The following DMBT1 variants were observed in gnomAD, a reference collection of about 807,000 sequenced individuals.
DMBT1 encodes the protein scavenger receptor cysteine-rich domain-containing protein DMBT1.
Under a neutral mutation model 252.9 loss-of-function variants are expected in DMBT1, and 198 were observed. That is an observed-to-expected ratio of 0.78 (90% CI 0.70 to 0.88). DMBT1 has a LOEUF of 0.88. Among genes scored for constraint, DMBT1 ranks in the 40% least tolerant of loss-of-function variants. The pLI is 0.00. For missense variants in DMBT1, 2,432 were observed against 2,404.7 expected (o/e 1.01, Z -0.24); for synonymous variants, 990 against 942.7 (o/e 1.05, Z -0.92).
At chr10:122,590,009 G>C (rs1454994271) in intron 17 of DMBT1, among the ~76,000 whole-genome samples, 2 of 148,584 alleles carry the variant, frequency 1.3e-5, no homozygotes, top group Non-Finnish European at 3.0e-5. Flanking sequence ...GTTTAGGTGA[G>C]GGTGAGGTGG....
At chr10:122,628,464 T>C (rs1337223451) in intron 46 of DMBT1, among the ~76,000 whole-genome samples, 1 of 152,070 alleles carries the variant, frequency 6.6e-6, no homozygotes, top group African/African-American at 2.4e-5. Flanking sequence ...GGTGAAACCC[T>C]GTCTCTACTA....
Position 122,569,597 on chromosome 10 carries a change from G to A in DMBT1, c.92-565G>A, listed in dbSNP as rs149567981. On this transcript the variant is annotated intron_variant, in intron 2 of 55. Transcript: ENST00000338354. ...TTCTAGAGCAACTCTGGCATTTGCC[G>A]TATGGACTGGACTGAGCCCATGCCA... Among the ~76,000 whole-genome samples, 396 of 152,306 alleles carry A rather than the reference G, an allele frequency of 2.6e-3. 1 individual carries two copies. The highest frequency in any genetic ancestry group is 9.1e-3 in the African/African-American group (379 of 41,574).
At chr10:122,576,347 G>T (rs2097711849) in intron 6 of DMBT1, 52 bp from the exon 7 acceptor site, 3 of 1,597,848 alleles carry the variant, frequency 1.9e-6, no homozygotes, top group Admixed American at 1.7e-5. Context: ...CAGGCCCTGA[G>T]ACCTTGTGCC....
intron 15 of DMBT1, 145 bp downstream of exon 15, chr10:122,585,454 G>C: frequency 1.8e-6 from 2 of 1,136,440 alleles, no homozygotes; most frequent in Non-Finnish European, 1.3e-6. Context: ...TAGAGTCTCT[G>C]GGGACCCAGC....
rs777106414 is a variant in DMBT1, at chr10:122,599,125, C to T, written c.3280+28C>T. On this transcript the variant is annotated intron_variant, in intron 26 of 55. Coordinates refer to ENST00000338354, the MANE Select transcript of DMBT1 (RefSeq NM_001377530.1). ...GGGCCTTCAAGAACTTGGGATCACT[C>T]TCTTGGGGTGGAGTTTGCTCCAGAA... is the stretch of plus-strand genomic sequence containing the variant. 7.4e-6 allele frequency: 12 copies of T among 1,613,646 alleles called. No individual in the cohort carries two copies. The South Asian group carries it at 1.2e-4, about 16-fold the overall frequency.
chr10:122,575,110 G>T (rs2097700613), intron 6 of DMBT1, among the ~76,000 whole-genome samples: 1 of 152,212 alleles, frequency 6.6e-6, no homozygotes, highest in African/African-American at 2.4e-5. Context: ...TTACTTAAAG[G>T]GGAATATTAG....
At chr10:122,619,193 A>T in intron 41 of DMBT1, 115 bp from the exon 42 acceptor site, 1 of 1,357,622 alleles carries the variant, frequency 7.4e-7, no homozygotes, top group Non-Finnish European at 1.1e-6. Flanking sequence ...TCCCTCTGTG[A>T]TAGGGACTAG....
chr10:122,632,993 A>G (rs563615409), intron 51 of DMBT1, 103 bp downstream of exon 51: 13 of 1,562,654 alleles, frequency 8.3e-6, no homozygotes, highest in Middle Eastern at 3.4e-4. Context: ...GGCTTCCCCC[A>G]AAGTGGTCTC....
chr10:122,629,877 C>T lies in DMBT1; in HGVS notation c.5706C>T (p.Ala1902=). ...SSNCGGFLFY[A]SGTFSSPSYP... is the part of the protein sequence containing the mutation. ...ATTGTGGTGGCTTCTTATTCTATGC[C>T]AGTGGGACATTCTCCAGCCCATCCT... The change falls in exon 47 of 56, where the codon GCC becomes GCT. Residue 1902 remains alanine (A), a synonymous_variant. Coordinates refer to ENST00000338354, the MANE Select transcript of DMBT1 (RefSeq NM_001377530.1). 6.2e-7 allele frequency: 1 copy of T among 1,613,992 alleles called. No homozygotes were observed. Among genetic ancestry groups the T allele is most frequent in the Non-Finnish European group, 8.5e-7 (1 of 1,179,880 alleles).
chr10:122,572,122 T>C (rs1216822822), intron 4 of DMBT1, among the ~76,000 whole-genome samples, 192 bp from the exon 5 acceptor site: 4 of 152,168 alleles, frequency 2.6e-5, no homozygotes, highest in African/African-American at 9.7e-5. Flanking sequence ...CAAAGGATGC[T>C]TGTGCGGCAC....
chr10:122,629,840 G>A lies in DMBT1; in HGVS notation c.5669G>A (p.Arg1890Lys), dbSNP rs976559906. 1.2e-6 allele frequency: 2 copies of A among 1,613,876 alleles called. No homozygotes were observed. The highest frequency in any genetic ancestry group is 1.7e-6 in the Non-Finnish European group (2 of 1,179,830). The change falls in exon 47 of 56, where the codon AGA (arginine) becomes AAA (lysine). Residue 1890 changes from arginine to lysine, a missense_variant and splice_region_variant. Arg to Lys is a conservative substitution (Grantham distance 26). Around this residue, in one of 3 missense-constraint regions of DMBT1, gnomAD observed 1,162 missense variants for 1,169.0 expected, o/e 0.99. Transcript: ENST00000338354. The stretch of plus-strand genomic sequence containing the variant: ...GAGATGTCCCCTCTCTCCTCTCTAG[G>A]ACCCTCTTCAAATTGTGGTGGCTTC... ...WWHPTTTTTA[R>K]PSSNCGGFLF...
intron 1 of DMBT1, among the ~76,000 whole-genome samples, chr10:122,562,015 C>G (rs1334304448): frequency 6.6e-6 from 1 of 151,734 alleles, no homozygotes; most frequent in African/African-American, 2.4e-5. Context: ...TTCCCTCCCC[C>G]TCTCTTTTTC....
intron 25 of DMBT1, 143 bp downstream of exon 25, chr10:122,598,155 C>A: frequency 7.9e-7 from 1 of 1,263,682 alleles, no homozygotes; most frequent in Non-Finnish European, 1.1e-6. Flanking sequence ...GGTAGCGTCT[C>A]TGGGGACCCA....
chr10:122,641,200 A>G (rs1844467388), intron 55 of DMBT1, among the ~76,000 whole-genome samples: 1 of 152,102 alleles, frequency 6.6e-6, no homozygotes, highest in African/African-American at 2.4e-5. Flanking sequence ...GGGCTGCTCT[A>G]CCATAGCCCA....
In DMBT1 at chr10:122,581,029, G is replaced by A. The variant is rs2097764072; in HGVS notation, c.1033+134G>A. The A allele has an allele frequency of 2.0e-5, 29 of 1,446,490 alleles. No homozygotes were observed. The South Asian group carries it at 2.3e-4, about 12-fold the overall frequency. The allele number at this position is 1,446,490 out of a possible 1,614,324, so 89.6% of individuals were successfully genotyped here. On this transcript the variant is annotated intron_variant, in intron 11 of 55. Coordinates refer to ENST00000338354, the MANE Select transcript of DMBT1 (RefSeq NM_001377530.1). ...ATTATTTCCACCCCCAACACCGGCT[G>A]TGTAACTGAGATCCCAGCACAGCGC... is the stretch of plus-strand genomic sequence containing the variant.
rs1180161694 is a variant in DMBT1 at position 122,599,022 on chromosome 10, C to G, written c.3205C>G (p.Leu1069Val). The G allele has an allele frequency of 1.4e-5, 23 of 1,613,796 alleles. No individual in the cohort carries two copies. Among genetic ancestry groups the G allele is most frequent in the Non-Finnish European group, 1.9e-5 (23 of 1,179,730 alleles). Reference sequence around the variant, plus strand: ...GCGCTGCTCAGGACACGAGTCTTACCTGTGGAGCTGCCCCCACAATGGCTG... The same window carrying G: ...GCGCTGCTCAGGACACGAGTCTTACGTGTGGAGCTGCCCCCACAATGGCTG... ...DVRCSGHESY[L>V]WSCPHNGWLS... Residue 1069 changes from leucine (L) to valine (V), a missense_variant, in exon 26 of 56, where the codon CTG becomes GTG. This residue lies in a region of DMBT1 where 1,264 missense variants were observed against 1,082.2 expected (regional missense o/e 1.17). Coordinates refer to ENST00000338354, the MANE Select transcript of DMBT1 (RefSeq NM_001377530.1).
At chr10:122,587,408 A>T (rs2097800113) in intron 16 of DMBT1, among the ~76,000 whole-genome samples, 1 of 148,982 alleles carries the variant, frequency 6.7e-6, no homozygotes, top group South Asian at 2.3e-4. Flanking sequence ...AATTCCCTCC[A>T]GAGCACTGCA....
intron 48 of DMBT1, 87 bp from the exon 49 acceptor site, chr10:122,630,874 G>A (rs1306383996): frequency 2.1e-6 from 3 of 1,416,192 alleles, no homozygotes; most frequent in African/African-American, 1.4e-5. Flanking sequence ...GTGGGAAAAG[G>A]CCTGTGGGAT....
rs575896112 is a variant in DMBT1, at chr10:122,580,702, C to A, written c.1004-164C>A. On this transcript the variant is annotated intron_variant, in intron 10 of 55. Transcript: ENST00000338354. ...GGACAGGATCTGCCTCGACCCCTTA[C>A]ACGGTGCATCTCTGTGGGGATGTGC... Among the ~76,000 whole-genome samples, 13 of 152,176 alleles carry A rather than the reference C, an allele frequency of 8.5e-5. No homozygotes were observed. The East Asian group carries it at 1.6e-3, about 18-fold the overall frequency.
Sources: allele counts gnomAD v4.1 joint callset (sites outside exome capture counted in the v4.1 genomes callset), GRCh38; gene constraint gnomAD v4.1.1; regional missense constraint gnomAD v4.1.1; transcripts MANE v1.5; gene names NCBI Gene and HGNC (gene_info 2026-07-23, HGNC 2026-07-21).